POC5: variants seen among roughly 807,000 people sequenced by gnomAD.
POC5 encodes the protein POC5 centriolar protein, also known as centrosomal protein POC5.
A neutral mutation model predicts 62.9 loss-of-function variants in POC5; 48 were observed. The ratio of observed to expected loss-of-function variants is 0.76; its 90% confidence interval spans 0.61 to 0.97. The LOEUF (loss-of-function observed/expected upper bound fraction) is 0.97, where lower values mean the gene tolerates loss of function less well. POC5 is among the 50% of genes least tolerant of loss of function. POC5 has a pLI of 0.00. For synonymous variants in POC5, 236 were observed against 228.2 expected, an observed-to-expected ratio of 1.03 and a Z score of -0.31; for missense variants, 696 against 679.5, an observed-to-expected ratio of 1.02 and a Z score of -0.27.
intron 5 of POC5, among the ~76,000 whole-genome samples, chr5:75,699,222 G>T (rs1776753285): frequency 6.6e-6 from 1 of 152,062 alleles, no homozygotes; most frequent in African/African-American, 2.4e-5. Context: ...ATTTTATGAG[G>T]CCAACATCAT....
chr5:75,714,530 T>C (rs996663124), intron 1 of POC5, among the ~76,000 whole-genome samples: 2 of 152,104 alleles, frequency 1.3e-5, no homozygotes, highest in Non-Finnish European at 2.9e-5. Context: ...AAGACAGTTG[T>C]GTTATGGTGA....
intron 8 of POC5, 85 bp downstream of exon 8, chr5:75,690,298 A>G (rs1160957515): frequency 1.8e-5 from 23 of 1,267,590 alleles, no homozygotes; most frequent in Admixed American, 3.0e-5. Context: ...TTAAAGACCA[A>G]AAGAAGAAGT....
intron 1 of POC5, among the ~76,000 whole-genome samples, chr5:75,714,132 C>T (rs1777456190): frequency 6.6e-6 from 1 of 152,188 alleles, no homozygotes; most frequent in South Asian, 2.1e-4. Context: ...GTAATCCTAG[C>T]ACTTTGGGAG....
chr5:75,708,486 T>C (rs1777213817), intron 2 of POC5, among the ~76,000 whole-genome samples: 1 of 152,120 alleles, frequency 6.6e-6, no homozygotes, highest in African/African-American at 2.4e-5. Flanking sequence ...AAAGATACCA[T>C]TTTTGGAACT....
chr5:75,692,345 C>A (rs1308776090), intron 7 of POC5, 51 bp downstream of exon 7: 15 of 1,320,488 alleles, frequency 1.1e-5, no homozygotes, highest in Non-Finnish European at 1.6e-5. Context: ...CTGAGCACTT[C>A]TGAATTCAGA....
chr5:75,684,724 C>T (rs1388639149), intron 10 of POC5, among the ~76,000 whole-genome samples: 7 of 152,060 alleles, frequency 4.6e-5, no homozygotes, highest in Admixed American at 4.6e-4. Context: ...ACTATGACAG[C>T]ACTTTCAGGT....
chr5:75,713,615 A>G (rs889124962), intron 1 of POC5, among the ~76,000 whole-genome samples: 2 of 152,246 alleles, frequency 1.3e-5, no homozygotes, highest in African/African-American at 4.8e-5. Flanking sequence ...ACTGATGAAT[A>G]AACTGCTGAT....
At chr5:75,697,908 G>C (rs1206206103) in intron 5 of POC5, among the ~76,000 whole-genome samples, 2 of 143,696 alleles carry the variant, frequency 1.4e-5, no homozygotes, top group Non-Finnish European at 3.1e-5. Flanking sequence ...AAAAGGCAGG[G>C]GTTGCAATCC....
In POC5 at chr5:75,694,799, T is replaced by C. The variant is rs576488896; in HGVS notation, c.546A>G (p.Arg182=). 11 of 1,565,564 alleles carry C rather than the reference T, an allele frequency of 7.0e-6. No individual in the cohort carries two copies. In the African/African-American group the frequency reaches 1.5e-4, roughly 21 times the overall value. ...TNIISELSKW[R]LNFIDWHRME... Reference sequence around the variant, plus strand: ...TTCGGTGCCAGTCAATAAAATTAAGTCTCCATTTACTTAGTTCAGATATGA... The same window carrying C: ...TTCGGTGCCAGTCAATAAAATTAAGCCTCCATTTACTTAGTTCAGATATGA... The change falls in exon 6 of 12, where the codon AGA becomes AGG. Residue 182 remains arginine (R), a synonymous_variant. Coordinates refer to ENST00000428202, the MANE Select transcript of POC5 (RefSeq NM_001099271.2).
chr5:75,694,777 G>T lies in POC5; in HGVS notation c.568C>A (p.Arg190=). ...KWRLNFIDWH[R]MEMRKEKEKH... ...TCTTTCTCTTTTCTCATTTCCATTC[G>T]GTGCCAGTCAATAAAATTAAGTCTC... The change falls in exon 6 of 12, where the codon CGA becomes AGA. Residue 190 remains arginine (R), a synonymous_variant. Transcript: ENST00000428202. 2 of 1,578,850 alleles carry T rather than the reference G, an allele frequency of 1.3e-6. No homozygotes were observed. The highest frequency in any genetic ancestry group is 8.7e-7 in the Non-Finnish European group (1 of 1,151,126).
intron 4 of POC5, among the ~76,000 whole-genome samples, chr5:75,705,071 G>A (rs900367141): frequency 5.3e-5 from 8 of 152,206 alleles, no homozygotes; most frequent in Middle Eastern, 3.4e-3. Context: ...GTGGTGGCAT[G>A]TGCCTGTAGT....
At chr5:75,710,187 A>G (rs1777285617) in intron 2 of POC5, among the ~76,000 whole-genome samples, 2 of 152,230 alleles carry the variant, frequency 1.3e-5, no homozygotes, top group South Asian at 4.1e-4. Context: ...GTATCAGCTC[A>G]GAATTTATGA....
intron 2 of POC5, among the ~76,000 whole-genome samples, chr5:75,710,515 G>A (rs1445035618): frequency 1.3e-5 from 2 of 152,130 alleles, no homozygotes; most frequent in African/African-American, 2.4e-5. Flanking sequence ...CCTTGTGCAT[G>A]CTCTCCTCCC....
chr5:75,688,803 A>T (rs1246046580), intron 9 of POC5, among the ~76,000 whole-genome samples: 1 of 152,224 alleles, frequency 6.6e-6, no homozygotes, highest in Non-Finnish European at 1.5e-5. Flanking sequence ...AGTGTACTTG[A>T]TCAGATCTAA....
chr5:75,688,666 A>G (rs1241751527), intron 9 of POC5, among the ~76,000 whole-genome samples: 1 of 152,236 alleles, frequency 6.6e-6, no homozygotes, highest in Admixed American at 6.5e-5. Flanking sequence ...TTGGCTACTT[A>G]AGAAAAGACA....
chr5:75,712,668 GAAAAGTT>G, intron 2 of POC5, 179 bp downstream of exon 2: 1 of 725,310 alleles, frequency 1.4e-6, no homozygotes, highest in Non-Finnish European at 2.3e-6. Context: ...AATATTTTCT[GAAAAGTT>G]AAAACAATGT....
chr5:75,674,654 A>G (rs1775585669), intron 11 of POC5, 76 bp from the exon 12 acceptor site: 1 of 1,499,842 alleles, frequency 6.7e-7, no homozygotes, highest in Non-Finnish European at 9.1e-7. Context: ...TCTATCATCT[A>G]TAATTTAACC....
chr5:75,686,990 G>A (rs777023712), intron 9 of POC5, among the ~76,000 whole-genome samples: 2 of 152,128 alleles, frequency 1.3e-5, no homozygotes, highest in African/African-American at 2.4e-5. Flanking sequence ...TAACAAGACA[G>A]ATGCATTAGG....
rs1201989381 is a variant in POC5, at chr5:75,712,853, C to T, written c.84+1G>A. On this transcript the variant is annotated splice_donor_variant, in intron 2 of 11. Transcript: ENST00000428202. LOFTEE classifies it high-confidence loss of function. ...TGGTAAATTTAGAAATTTTTTCCTA[C>T]CTGAAGATTCGAAGAGACAGAACTG... The T allele has an allele frequency of 6.2e-7, 1 of 1,601,584 alleles. No individual in the cohort carries two copies. The highest frequency in any genetic ancestry group is 1.3e-5 in the African/African-American group (1 of 74,630).
Sources: gnomAD v4.1 joint callset for allele counts (sites outside exome capture counted in the v4.1 genomes callset) on GRCh38, gnomAD v4.1.1 for gene constraint, MANE v1.5 for transcripts, NCBI Gene and HGNC (gene_info 2026-07-23, HGNC 2026-07-21) for gene names.